CD47: variants seen among roughly 807,000 people sequenced by gnomAD.
CD47 encodes the protein CD47 molecule, also known as leukocyte surface antigen CD47.
Under a neutral mutation model 44.6 loss-of-function variants are expected in CD47, and 11 were observed. The observed-to-expected ratio is 0.25, with a 90% CI of 0.16 to 0.41. The LOEUF is 0.41. Ranked by LOEUF, CD47 falls within the 10% of genes least tolerant of loss-of-function variation. CD47 has a pLI of 1.00. For synonymous variants in CD47, 140 were observed against 136.3 expected, an observed-to-expected ratio of 1.03 and a Z score of -0.19; for missense variants, 306 against 386.7, an observed-to-expected ratio of 0.79 and a Z score of 1.75.
intron 3 of CD47, among the ~76,000 whole-genome samples, chr3:108,069,428 G>A (rs1446324842): frequency 6.7e-6 from 1 of 149,688 alleles, no homozygotes; most frequent in East Asian, 1.9e-4. Flanking sequence ...TAACAAAAAT[G>A]AATAGAAAAA....
chr3:108,087,523 G>A (rs2079545186), intron 1 of CD47, among the ~76,000 whole-genome samples: 2 of 152,126 alleles, frequency 1.3e-5, no homozygotes, highest in East Asian at 1.9e-4. Context: ...AAGTCATTAA[G>A]AGACATACTG....
At chr3:108,084,188 G>A (rs1194228848) in intron 1 of CD47, among the ~76,000 whole-genome samples, 1 of 151,790 alleles carries the variant, frequency 6.6e-6, no homozygotes, top group Admixed American at 6.6e-5. Flanking sequence ...TCTGTTACGT[G>A]GCCTCCACCC....
At chr3:108,070,325 A>C (rs1301589428) in intron 3 of CD47, among the ~76,000 whole-genome samples, 1 of 152,252 alleles carries the variant, frequency 6.6e-6, no homozygotes, top group Non-Finnish European at 1.5e-5. Context: ...GAAGGAATAA[A>C]TCTTGTATTT....
intron 10 of CD47, among the ~76,000 whole-genome samples, chr3:108,047,660 GCTGTAGATGAAAGAGAAAAATGGTA>G (rs1559970615): frequency 6.6e-6 from 1 of 152,172 alleles, no homozygotes; most frequent in Non-Finnish European, 1.5e-5. Context: ...CATCTGATCA[GCTGTAGATGAAAGAGAAAAATGGTA>G]CTGACTCTGA....
Position 108,060,862 on chromosome 3 carries a change from G to A in CD47, c.491-10C>T, listed in dbSNP as rs780405193. 30 of 1,545,490 alleles carry A rather than the reference G, an allele frequency of 1.9e-5. No individual in the cohort carries two copies. The Admixed American group carries it at 4.9e-4, about 25-fold the overall frequency. ...GATCTATATTTAAGTGCTTAAAAAAGAAAAACAAAGAATTATATGAACTCA... is the reference window on the plus strand; with the variant it reads ...GATCTATATTTAAGTGCTTAAAAAAAAAAAACAAAGAATTATATGAACTCA... On this transcript the variant is annotated splice_polypyrimidine_tract_variant and intron_variant, in intron 3 of 10. Transcript: ENST00000361309.
At chr3:108,084,092 A>G (rs906769391) in intron 1 of CD47, among the ~76,000 whole-genome samples, 2 of 151,800 alleles carry the variant, frequency 1.3e-5, no homozygotes, top group Non-Finnish European at 2.9e-5. Flanking sequence ...TGCCAACTTA[A>G]AAAAAATCCC....
intron 9 of CD47, among the ~76,000 whole-genome samples, chr3:108,049,910 T>G (rs934681709): frequency 6.6e-6 from 1 of 152,176 alleles, no homozygotes; most frequent in Non-Finnish European, 1.5e-5. Context: ...TCTGTGGCAA[T>G]AGCCTGTATC....
intron 2 of CD47, 36 bp downstream of exon 2, chr3:108,079,955 G>T: frequency 6.9e-7 from 1 of 1,441,952 alleles, no homozygotes; most frequent in Non-Finnish European, 9.6e-7. Context: ...GTTGCACCAG[G>T]ACAAATAAAA....
At chr3:108,064,003 G>T (rs2079062879) in intron 3 of CD47, among the ~76,000 whole-genome samples, 1 of 152,184 alleles carries the variant, frequency 6.6e-6, no homozygotes, top group Admixed American at 6.5e-5. Flanking sequence ...AAAATAATTA[G>T]TAACCAAAAG....
At chr3:108,063,833 C>T (rs2079060541) in intron 3 of CD47, among the ~76,000 whole-genome samples, 1 of 151,990 alleles carries the variant, frequency 6.6e-6, no homozygotes, top group African/African-American at 2.4e-5. Flanking sequence ...AATCAATACA[C>T]AAAATAAAGT....
At chr3:108,073,533 G>C (rs781312635) in intron 2 of CD47, among the ~76,000 whole-genome samples, 1 of 152,160 alleles carries the variant, frequency 6.6e-6, no homozygotes, top group Non-Finnish European at 1.5e-5. Flanking sequence ...ACATTGTGAA[G>C]ACAGGGAGGA....
At chr3:108,055,581 G>T (rs763188241) in intron 7 of CD47, 1 of 1,298,176 alleles carries the variant, frequency 7.7e-7, no homozygotes, top group South Asian at 1.2e-5. Flanking sequence ...CATCAGACAA[G>T]TTGATTTAAA....
At chr3:108,075,029 G>T (rs116903322) in intron 2 of CD47, among the ~76,000 whole-genome samples, 1 of 152,258 alleles carries the variant, frequency 6.6e-6, no homozygotes, top group East Asian at 1.9e-4. Context: ...ACTTCTTTCA[G>T]CTCTGAATTT....
At chr3:108,079,957 C>A (rs2079385364) in intron 2 of CD47, 34 bp downstream of exon 2, 2 of 1,462,236 alleles carry the variant, frequency 1.4e-6, no homozygotes, top group Non-Finnish European at 9.4e-7. Context: ...TGCACCAGGA[C>A]AAATAAAAAA....
intron 1 of CD47, among the ~76,000 whole-genome samples, chr3:108,087,000 G>A (rs1241211043): frequency 2.6e-5 from 4 of 152,092 alleles, no homozygotes; most frequent in African/African-American, 7.2e-5. Flanking sequence ...AGTAATGGTG[G>A]GAGGGAAGCA....
At chr3:108,051,245 G>A (rs1308544300) in intron 8 of CD47, among the ~76,000 whole-genome samples, 1 of 152,126 alleles carries the variant, frequency 6.6e-6, no homozygotes, top group Non-Finnish European at 1.5e-5. Context: ...AGGAAGCTAA[G>A]TACAATATAA....
chr3:108,057,686 C>A, intron 6 of CD47, 117 bp from the exon 7 acceptor site: 1 of 554,704 alleles, frequency 1.8e-6, no homozygotes. Flanking sequence ...AAAAATTATC[C>A]ATATATGTTT....
chr3:108,050,490 C>T, intron 9 of CD47, 88 bp downstream of exon 9: 2 of 685,802 alleles, frequency 2.9e-6, no homozygotes, highest in Non-Finnish European at 5.1e-6. Context: ...TAGATTCTTC[C>T]TAAGGCATAG....
At chr3:108,084,320 G>A (rs1026738298) in intron 1 of CD47, among the ~76,000 whole-genome samples, 2 of 151,960 alleles carry the variant, frequency 1.3e-5, no homozygotes, top group African/African-American at 4.8e-5. Context: ...GAGCCAGTGG[G>A]CAGTCTCTTT....
Sources: gnomAD v4.1 joint callset for allele counts (sites outside exome capture counted in the v4.1 genomes callset) on GRCh38, gnomAD v4.1.1 for gene constraint, MANE v1.5 for transcripts, NCBI Gene and HGNC (gene_info 2026-07-23, HGNC 2026-07-21) for gene names.